The following PCDHGA8 variants were observed in gnomAD, a reference collection of about 807,000 sequenced individuals.
PCDHGA8 encodes the protein protocadherin gamma-A8.
Under a neutral mutation model 59.2 loss-of-function variants are expected in PCDHGA8, and 45 were observed. That is an observed-to-expected ratio of 0.76 (90% CI 0.60 to 0.98). PCDHGA8 has a LOEUF of 0.98. Among genes scored for constraint, PCDHGA8 ranks in the 50% least tolerant of loss-of-function variants. PCDHGA8 has a pLI of 0.00. For missense variants in PCDHGA8, 1,257 were observed against 1,196.2 expected, an observed-to-expected ratio of 1.05 and a Z score of -0.75; for synonymous variants, 531 against 519.0, an observed-to-expected ratio of 1.02 and a Z score of -0.32.
intron 1 of PCDHGA8, among the ~76,000 whole-genome samples, chr5:141,436,517 G>A (rs1398225419): frequency 1.3e-5 from 2 of 152,130 alleles, no homozygotes; most frequent in African/African-American, 4.8e-5. Flanking sequence ...TGTTAACTGT[G>A]TCACCTTTAG....
Position 141,485,713 on chromosome 5 carries a change from G to T in PCDHGA8, c.2425-9094G>T. On this transcript the variant is annotated intron_variant, in intron 1 of 3. Transcript: ENST00000398604. The surrounding 1 kb of genome is among the most constrained non-coding windows in gnomAD (Gnocchi z 5.7). ...TGAGCTCCAATGAACACTTTGCACT[G>T]GATGTGAAGAAGCGCAGCGACGGCA... 1 of 1,614,202 alleles carries T rather than the reference G, an allele frequency of 6.2e-7. No individual in the cohort carries two copies. The highest frequency in any genetic ancestry group is 8.5e-7 in the Non-Finnish European group (1 of 1,180,038).
intron 1 of PCDHGA8, chr5:141,410,775 T>A: frequency 1.0e-6 from 1 of 998,978 alleles, no homozygotes. Flanking sequence ...TAGTTTTCAC[T>A]ATGTATTTGG....
Position 141,485,172 on chromosome 5 carries a change from C to A in PCDHGA8, c.2425-9635C>A. ...CAAGTAGAGAATTAGCGGGCGGCAG[C>A]AATGCTCCGCAAGGTGAGAAGCTGG... On this transcript the variant is annotated intron_variant, in intron 1 of 3. Transcript: ENST00000398604. The surrounding 1 kb of genome is among the most constrained non-coding windows in gnomAD (Gnocchi z 5.7). 6.2e-7 allele frequency: 1 copy of A among 1,610,164 alleles called. No individual in the cohort carries two copies. The highest frequency in any genetic ancestry group is 8.5e-7 in the Non-Finnish European group (1 of 1,176,940).
chr5:141,456,093 T>G (rs1362649283), intron 1 of PCDHGA8, among the ~76,000 whole-genome samples: 1 of 151,986 alleles, frequency 6.6e-6, no homozygotes, highest in Non-Finnish European at 1.5e-5. Context: ...GAGACGGGAT[T>G]TCACCGTGTT....
chr5:141,399,436 C>T (rs550386808), intron 1 of PCDHGA8: 12 of 1,613,996 alleles, frequency 7.4e-6, no homozygotes, highest in Admixed American at 3.3e-5. Context: ...CGTCATCCTA[C>T]ATATCAGAGA....
chr5:141,495,973 A>T, intron 2 of PCDHGA8, among the ~76,000 whole-genome samples: 1 of 146,986 alleles, frequency 6.8e-6, no homozygotes, highest in Admixed American at 6.8e-5. Flanking sequence ...TTTCTCTGTT[A>T]CTCTTTCTTT....
intron 1 of PCDHGA8, among the ~76,000 whole-genome samples, chr5:141,401,931 A>C: frequency 6.6e-6 from 1 of 152,352 alleles, no homozygotes; most frequent in Middle Eastern, 3.4e-3. Context: ...GATGCTTAGA[A>C]TAATGTTTAA....
intron 1 of PCDHGA8, chr5:141,400,304 G>T: frequency 6.2e-7 from 1 of 1,614,048 alleles, no homozygotes; most frequent in African/African-American, 1.3e-5. Context: ...TTCCAACCTG[G>T]TCTCTGTGTC....
chr5:141,489,257 T>C lies in PCDHGA8; in HGVS notation c.2425-5550T>C, dbSNP rs2099684606. 5.8e-6 allele frequency: 9 copies of C among 1,550,190 alleles called. No homozygotes were observed. The highest frequency in any genetic ancestry group is 1.4e-5 in the African/African-American group (1 of 73,054). On this transcript the variant is annotated intron_variant, in intron 1 of 3. Transcript: ENST00000398604. This position sits in a 1 kb window ranked among gnomAD's most constrained non-coding sequence, Gnocchi z 4.5. Reference sequence around the variant, plus strand: ...TTCTGGGTCATGGGGCCCAAGACACTCCCACAGCTCGCTGGGAAATGGCAA... The same window carrying C: ...TTCTGGGTCATGGGGCCCAAGACACCCCCACAGCTCGCTGGGAAATGGCAA...
chr5:141,441,823 C>A (rs538052540), intron 1 of PCDHGA8: 6 of 357,336 alleles, frequency 1.7e-5, no homozygotes, highest in South Asian at 7.1e-5. Flanking sequence ...AGCTCTGGAG[C>A]GCAATGGCTT....
At position 141,491,832 on chromosome 5, in the gene PCDHGA8, C is replaced by T. The variant is rs755882255; in HGVS notation, c.2425-2975C>T. On this transcript the variant is annotated intron_variant, in intron 1 of 3. Coordinates refer to ENST00000398604, the MANE Select transcript of PCDHGA8 (RefSeq NM_032088.2). The surrounding 1 kb of genome is among the most constrained non-coding windows in gnomAD (Gnocchi z 6.9). ...GTCGCTGGCTGCGCTCCACCCGATT[C>T]TCGGGATCATTGGACCGTTTGCGCG... 1.6e-5 allele frequency: 24 copies of T among 1,474,306 alleles called. No individual in the cohort carries two copies. The highest frequency in any genetic ancestry group is 2.0e-5 in the Non-Finnish European group (22 of 1,112,688). 91.3% of individuals were successfully genotyped at this position (1,474,306 alleles called of 1,614,324 possible). A position where few individuals can be genotyped will look rare whatever the true frequency, so the allele number is the denominator to read the frequency against.
At chr5:141,501,329 ACACACC>A (rs1456568693) in intron 2 of PCDHGA8, among the ~76,000 whole-genome samples, 16 of 148,226 alleles carry the variant, frequency 1.1e-4, no homozygotes, top group Non-Finnish European at 2.2e-4. Context: ...ACACACACAC[ACACACC>A]CCAAACTCAA....
intron 1 of PCDHGA8, chr5:141,399,220 A>T: frequency 6.2e-7 from 1 of 1,613,966 alleles, no homozygotes; most frequent in East Asian, 2.2e-5. Flanking sequence ...AATTGCTTTG[A>T]TCAAAATACA....
Position 141,420,095 on chromosome 5 carries a change from G to A in PCDHGA8, c.2424+24858G>A, listed in dbSNP as rs1382286285. 2.5e-6 allele frequency: 4 copies of A among 1,613,882 alleles called. No individual in the cohort carries two copies. Among genetic ancestry groups the A allele is most frequent in the Admixed American group, 1.7e-5 (1 of 60,010 alleles). ...TGTGGGTCCCCCCAACTACAGTGAGGGAACGTTGCCCTATGCCTATAATTT... is the reference window on the plus strand; with the variant it reads ...TGTGGGTCCCCCCAACTACAGTGAGAGAACGTTGCCCTATGCCTATAATTT... On this transcript the variant is annotated intron_variant, in intron 1 of 3. Coordinates refer to ENST00000398604, the MANE Select transcript of PCDHGA8 (RefSeq NM_032088.2).
chr5:141,430,939 G>A, intron 1 of PCDHGA8: 1 of 1,607,854 alleles, frequency 6.2e-7, no homozygotes, highest in South Asian at 1.1e-5. Flanking sequence ...GGGAGCTCGC[G>A]GAGCGCGGAG....
chr5:141,492,919 C>A (rs1019663003), intron 1 of PCDHGA8, among the ~76,000 whole-genome samples: 1 of 152,192 alleles, frequency 6.6e-6, no homozygotes, highest in Non-Finnish European at 1.5e-5. Context: ...ATGTGCCCAG[C>A]GATCTAGGGT....
At chr5:141,423,632 T>G in intron 1 of PCDHGA8, 1 of 1,602,602 alleles carries the variant, frequency 6.2e-7, no homozygotes, top group Non-Finnish European at 8.5e-7. Flanking sequence ...GCTATCATTT[T>G]AGGCAAATGT....
rs371499368 is a variant in PCDHGA8 at position 141,414,269 on chromosome 5, C to T, written c.2424+19032C>T. The stretch of plus-strand genomic sequence containing the variant: ...TTTAGTCCAGTGACTGAAGATTCAC[C>T]TCTGGGAACAGTCGTAGCCCTTTTA... On this transcript the variant is annotated intron_variant, in intron 1 of 3. Coordinates refer to ENST00000398604, the MANE Select transcript of PCDHGA8 (RefSeq NM_032088.2). 8.1e-6 allele frequency: 13 copies of T among 1,613,266 alleles called. No homozygotes were observed. The African/African-American group carries it at 1.6e-4, about 20-fold the overall frequency.
intron 1 of PCDHGA8, among the ~76,000 whole-genome samples, chr5:141,438,036 C>T (rs1299733977): frequency 4.6e-5 from 7 of 152,026 alleles, no homozygotes; most frequent in South Asian, 2.1e-4. Flanking sequence ...CCACCATGCC[C>T]GACCACTTTG....
Sources: allele counts gnomAD v4.1 joint callset (sites outside exome capture counted in the v4.1 genomes callset), GRCh38; gene constraint gnomAD v4.1.1; non-coding constraint Gnocchi (gnomAD v3.1); transcripts MANE v1.5; gene names NCBI Gene and HGNC (gene_info 2026-07-23, HGNC 2026-07-21).